Variants in WDR93 observed in about 807,000 individuals in gnomAD.
WDR93 encodes WD repeat-containing protein 93.
In WDR93, 73 loss-of-function variants were observed where a neutral mutation model predicts 82.9. The observed-to-expected ratio is 0.88, with a 90% CI of 0.73 to 1.07. The LOEUF is 1.07. WDR93 is among the 50% of genes least tolerant of loss of function. WDR93 has a pLI of 0.00. For missense variants in WDR93, 738 were observed against 826.0 expected, an observed-to-expected ratio of 0.89 and a Z score of 1.31; for synonymous variants, 283 against 300.1, an observed-to-expected ratio of 0.94 and a Z score of 0.59.
chr15:89,741,536 A>C (rs1175598285), intron 16 of WDR93, among the ~76,000 whole-genome samples: 2 of 152,186 alleles, frequency 1.3e-5, no homozygotes, highest in African/African-American at 2.4e-5. Context: ...CCTAAAAGAA[A>C]CCATTACAGA....
Position 89,733,146 on chromosome 15 carries a change from T to G in WDR93, c.1471T>G (p.Cys491Gly), listed in dbSNP as rs1431077092. 1 of 1,614,216 alleles carries G rather than the reference T, an allele frequency of 6.2e-7. No individual in the cohort carries two copies. The highest frequency in any genetic ancestry group is 8.5e-7 in the Non-Finnish European group (1 of 1,180,016). ...ATCCCAAATGAAATGTGTGGTGCTG[T>G]GCACAGACGCCTCCCTCCATCTGGT... ...VKSQMKCVVL[C>G]TDASLHLVEA... Residue 491 changes from cysteine to glycine, a missense_variant, in exon 13 of 17, where the codon TGC becomes GGC. Coordinates refer to ENST00000268130, the MANE Select transcript of WDR93 (RefSeq NM_020212.2).
Position 89,712,394 on chromosome 15 carries a change from A to ATATTTTT in WDR93, c.640+291_640+292insATTTTTT, listed in dbSNP as rs1177405888. Among the ~76,000 whole-genome samples the ATATTTTT allele has an allele frequency of 9.3e-3, 569 of 61,488 alleles. 15 individuals carry two copies. Among genetic ancestry groups the ATATTTTT allele is most frequent in the African/African-American group, 0.05 (529 of 10,592 alleles). 40.3% of individuals were successfully genotyped at this position (61,488 alleles called of 152,430 possible). A position where few individuals can be genotyped will look rare whatever the true frequency, so the allele number is the denominator to read the frequency against. Reference sequence around the variant, plus strand: ...TCGGATTTCACTAGTTTTTCCACTAATCTTTTTTTTTTTTTTTTTTTTTTT... The same window carrying ATATTTTT: ...TCGGATTTCACTAGTTTTTCCACTAATATTTTTTCTTTTTTTTTTTTTTTTTTTTTTT... On this transcript the variant is annotated intron_variant, in intron 5 of 16. Coordinates refer to ENST00000268130, the MANE Select transcript of WDR93 (RefSeq NM_020212.2).
chr15:89,719,088 TTTTTC>T (rs1966398307), intron 7 of WDR93, among the ~76,000 whole-genome samples: 1 of 152,208 alleles, frequency 6.6e-6, no homozygotes, highest in Admixed American at 6.5e-5. Flanking sequence ...CATTTTTTTC[TTTTTC>T]TTTTTTCATT....
chr15:89,716,854 G>C, intron 6 of WDR93, 57 bp from the exon 7 acceptor site: 1 of 1,195,390 alleles, frequency 8.4e-7, no homozygotes, highest in Admixed American at 2.1e-5. Flanking sequence ...AAGATTAAAG[G>C]GGGTGGTAAA....
At position 89,701,292 on chromosome 15, in the gene WDR93, T is replaced by TG. The variant is rs1211986666; in HGVS notation, c.-40-409dup. Among the ~76,000 whole-genome samples the TG allele has an allele frequency of 4.6e-5, 7 of 152,020 alleles. No individual in the cohort carries two copies. The East Asian group carries it at 1.4e-3, about 29-fold the overall frequency. On this transcript the variant is annotated intron_variant, in intron 1 of 16. Coordinates refer to ENST00000268130, the MANE Select transcript of WDR93 (RefSeq NM_020212.2). ...TTGGGAGTGCTTGAACTGCATCTGA[T>TG]GGGGGGTAAAGGAAAGAAAGGGAGG...
In WDR93 at chr15:89,738,246, T is replaced by C. The variant is rs773905020; in HGVS notation, c.1961+10T>C. 1 of 1,586,916 alleles carries C rather than the reference T, an allele frequency of 6.3e-7. No homozygotes were observed. The highest frequency in any genetic ancestry group is 1.1e-5 in the South Asian group (1 of 87,102). The stretch of plus-strand genomic sequence containing the variant: ...GTTTCCTCCAGAAGAGGTAAAGAGC[T>C]CTGTGTCTTCACCCCCTCCCACATC... On this transcript the variant is annotated intron_variant, in intron 16 of 16. Transcript: ENST00000268130.
intron 11 of WDR93, among the ~76,000 whole-genome samples, chr15:89,730,671 G>A (rs965218008): frequency 1.3e-5 from 2 of 152,176 alleles, no homozygotes; most frequent in Admixed American, 6.5e-5. Flanking sequence ...AGAGGCAGGT[G>A]GATCTCTTGA....
At chr15:89,733,298 C>T (rs916015449) in intron 13 of WDR93, 79 bp downstream of exon 13, 3 of 1,349,798 alleles carry the variant, frequency 2.2e-6, no homozygotes, top group Non-Finnish European at 3.1e-6. Context: ...AATCTGACAG[C>T]CTCTCTGACT....
chr15:89,723,238 A>AAATC (rs1555432823), intron 8 of WDR93, among the ~76,000 whole-genome samples: 35 of 151,166 alleles, frequency 2.3e-4, no homozygotes, highest in Non-Finnish European at 1.0e-4. Context: ...ATAAATAAAT[A>AAATC]AATCTGGTAC....
chr15:89,690,998 C>T, intron 1 of WDR93, 141 bp downstream of exon 1: 1 of 189,320 alleles, frequency 5.3e-6, no homozygotes, highest in South Asian at 1.2e-4. Context: ...CCTGACGCCT[C>T]CCCGCAGATC....
At position 89,727,255 on chromosome 15, in the gene WDR93, G is replaced by A. The variant is rs867875515; in HGVS notation, c.979G>A (p.Glu327Lys). The part of the protein sequence containing the change: ...QNHFIKDSQW[E>K]QQAEIFNASY... Reference sequence around the variant, plus strand: ...TCATTTCATCAAGGACAGTCAGTGGGAGCAGCAAGCTGAGATCTTCAACGC... The same window carrying A: ...TCATTTCATCAAGGACAGTCAGTGGAAGCAGCAAGCTGAGATCTTCAACGC... Residue 327 changes from glutamate (E) to lysine (K), a missense_variant, in exon 9 of 17, where the codon GAG becomes AAG. By Grantham distance (56) the Glu-to-Lys change is moderately conservative (BLOSUM62 1). Coordinates refer to ENST00000268130, the MANE Select transcript of WDR93 (RefSeq NM_020212.2). The A allele has an allele frequency of 6.2e-7, 1 of 1,614,174 alleles. No individual in the cohort carries two copies. Among genetic ancestry groups the A allele is most frequent in the Non-Finnish European group, 8.5e-7 (1 of 1,180,026 alleles).
In WDR93 at chr15:89,712,396, C is replaced by CTTTTTTT. The variant is rs1170109589; in HGVS notation, c.640+309_640+315dup. Reference sequence around the variant, plus strand: ...GGATTTCACTAGTTTTTCCACTAATCTTTTTTTTTTTTTTTTTTTTTTTGC... The same window carrying CTTTTTTT: ...GGATTTCACTAGTTTTTCCACTAATCTTTTTTTTTTTTTTTTTTTTTTTTTTTTTTGC... On this transcript the variant is annotated intron_variant, in intron 5 of 16. Transcript: ENST00000268130. Among the ~76,000 whole-genome samples, 49 of 80,512 alleles carry CTTTTTTT rather than the reference C, an allele frequency of 6.1e-4. 6 individuals carry two copies. The highest frequency in any genetic ancestry group is 1.6e-3 in the East Asian group (4 of 2,564). 52.8% of individuals were successfully genotyped at this position (80,512 alleles called of 152,430 possible).
intron 3 of WDR93, chr15:89,703,368 A>T (rs1965567669): frequency 3.5e-6 from 2 of 565,434 alleles, no homozygotes; most frequent in Non-Finnish European, 6.2e-6. Flanking sequence ...GGGAAGTAAA[A>T]TTTTTTATTC....
rs894145820 is a variant in WDR93, at chr15:89,738,151, A to T, written c.1876A>T (p.Thr626Ser). The T allele has an allele frequency of 4.3e-6, 7 of 1,614,082 alleles. No individual in the cohort carries two copies. Among genetic ancestry groups the T allele is most frequent in the African/African-American group, 1.3e-5 (1 of 74,924 alleles). ...CCTGGAAAATATCTCAAAAAATTGTACCATTCCTCAAAGGGACTTGGATAA... is the reference window on the plus strand; with the variant it reads ...CCTGGAAAATATCTCAAAAAATTGTTCCATTCCTCAAAGGGACTTGGATAA... ...PLLENISKNC[T>S]IPQRDLDNMA... The change falls in exon 16 of 17, where the codon ACC (threonine) becomes TCC (serine). Residue 626 changes from threonine to serine, a missense_variant. Coordinates refer to ENST00000268130, the MANE Select transcript of WDR93 (RefSeq NM_020212.2).
intron 3 of WDR93, chr15:89,705,289 C>T (rs1442896653): frequency 1.7e-5 from 8 of 468,370 alleles, no homozygotes. Flanking sequence ...ATGGATGTAG[C>T]CCATGTCTTA....
At chr15:89,731,129 G>C (rs975367250) in intron 11 of WDR93, among the ~76,000 whole-genome samples, 2 of 152,116 alleles carry the variant, frequency 1.3e-5, no homozygotes, top group South Asian at 2.1e-4. Flanking sequence ...ATACTAATAA[G>C]ACTACTTTAT....
chr15:89,703,194 G>A lies in WDR93; in HGVS notation c.496+52G>A, dbSNP rs1427529546. ...CCTCATTTACAGGTACCTGTAGACT[G>A]TTGTCAATTTAATCTCCTTTTGAGG... is the stretch of plus-strand genomic sequence containing the variant. On this transcript the variant is annotated intron_variant, in intron 3 of 16. Transcript: ENST00000268130. The A allele has an allele frequency of 6.3e-6, 10 of 1,584,344 alleles. No homozygotes were observed. In the Admixed American group the frequency reaches 6.7e-5, roughly 11 times the overall value.
rs550508325 is a variant in WDR93, at chr15:89,718,770, G to T, written c.795+1821G>T. On this transcript the variant is annotated intron_variant, in intron 7 of 16. Coordinates refer to ENST00000268130, the MANE Select transcript of WDR93 (RefSeq NM_020212.2). ...CATTATTAGCTTGACATGTTTTTTT[G>T]TTTGTTTGTTTGTTTTGTATTTTTA... Among the ~76,000 whole-genome samples, 975 of 152,078 alleles carry T rather than the reference G, an allele frequency of 6.4e-3. 6 individuals carry two copies. The highest frequency in any genetic ancestry group is 0.014 in the Middle Eastern group (4 of 294).
rs1219907048 is a variant in WDR93 at position 89,727,322 on chromosome 15, C to A, written c.1046C>A (p.Pro349Gln). The A allele has an allele frequency of 6.2e-7, 1 of 1,613,702 alleles. No individual in the cohort carries two copies. The highest frequency in any genetic ancestry group is 8.5e-7 in the Non-Finnish European group (1 of 1,179,920). ...KYLDREWEEE[P>Q]LSTATFYFLL... ...CTAGATAGGGAGTGGGAGGAAGAGCCACTCAGGTGAGCCTCCTAATCCCGG... is the reference window on the plus strand; with the variant it reads ...CTAGATAGGGAGTGGGAGGAAGAGCAACTCAGGTGAGCCTCCTAATCCCGG... The change falls in exon 9 of 17, where the codon CCA becomes CAA. Residue 349 changes from proline (P) to glutamine (Q), a missense_variant. Pro to Gln is a moderately conservative substitution (Grantham distance 76). Transcript: ENST00000268130.
Sources: allele counts gnomAD v4.1 joint callset (sites outside exome capture counted in the v4.1 genomes callset), GRCh38; gene constraint gnomAD v4.1.1; transcripts MANE v1.5; gene names NCBI Gene and HGNC (gene_info 2026-07-23, HGNC 2026-07-21).